STN1: variants seen among roughly 807,000 people sequenced by gnomAD.
STN1 encodes the protein STN1 subunit of CST complex.
STN1 carries 29 observed loss-of-function variants against 45.5 expected under a neutral mutation model. The ratio of observed to expected loss-of-function variants is 0.64; its 90% CI spans 0.47 to 0.87. The LOEUF is 0.87. Among genes scored for constraint, STN1 ranks in the 40% least tolerant of loss-of-function variants. STN1 has a pLI of 0.00. For missense variants in STN1, 376 were observed against 441.4 expected (o/e 0.85, Z 1.33); for synonymous variants, 148 against 159.0 (o/e 0.93, Z 0.52).
intron 2 of STN1, among the ~76,000 whole-genome samples, chr10:103,914,105 T>C (rs1168382414): frequency 2.0e-5 from 3 of 152,128 alleles, no homozygotes; most frequent in Non-Finnish European, 4.4e-5. Flanking sequence ...TATTTATGTT[T>C]GACAGCATTA....
At chr10:103,915,726 C>T (rs974650586) in intron 2 of STN1, among the ~76,000 whole-genome samples, 5 of 151,992 alleles carry the variant, frequency 3.3e-5, no homozygotes, top group Admixed American at 3.3e-4. Context: ...AATTCCCCAC[C>T]CCCCAGAACA....
Position 103,892,494 on chromosome 10 carries a change from GAACTC to G in STN1, c.754-247_754-243del, listed in dbSNP as rs775375255. 3.1e-3 allele frequency among the ~76,000 whole-genome samples: 472 copies of G among 149,960 alleles called. 1 individual carries two copies. Among genetic ancestry groups the G allele is most frequent in the African/African-American group, 7.8e-3 (319 of 40,798 alleles). On this transcript the variant is annotated intron_variant, in intron 7 of 9. Transcript: ENST00000224950. ...TAGTTGTGATTTTTTTTTTTTTAAT[GAACTC>G]AACACTCCATAGTGCAGAATAAAAA...
intron 3 of STN1, among the ~76,000 whole-genome samples, chr10:103,910,013 G>T (rs1275307598): frequency 6.6e-6 from 1 of 152,238 alleles, no homozygotes; most frequent in Admixed American, 6.5e-5. Context: ...CTTCCATCAT[G>T]AGGGAAAATA....
chr10:103,892,081 T>G (rs1205978359), intron 8 of STN1, 49 bp downstream of exon 8: 2 of 1,395,084 alleles, frequency 1.4e-6, no homozygotes, highest in Non-Finnish European at 2.0e-6. Context: ...AATAAATATA[T>G]TTGTAATTGA....
At chr10:103,883,374 T>C (rs1397990753) in intron 9 of STN1, among the ~76,000 whole-genome samples, 7 of 152,086 alleles carry the variant, frequency 4.6e-5, no homozygotes, top group African/African-American at 1.7e-4. Context: ...TCTGTGATGG[T>C]TGTATTCCTA....
rs1843179073 is a variant in STN1 at position 103,897,591 on chromosome 10, G to A, written c.710C>T (p.Ser237Phe). 4 of 1,614,120 alleles carry A rather than the reference G, an allele frequency of 2.5e-6. No homozygotes were observed. In the East Asian group the frequency reaches 6.7e-5, roughly 27 times the overall value. The change falls in exon 7 of 10, where the codon TCC (serine) becomes TTC (phenylalanine). Residue 237 changes from serine to phenylalanine, a missense_variant. Transcript: ENST00000224950. The stretch of plus-strand genomic sequence containing the variant: ...GTGAATCACAGGCTGATTGGCAAGG[G>A]ACAGCAAAGACTCCACCATTTCCAG... ...QELEMVESLL[S>F]LANQPVIHSA... is the part of the protein sequence containing the mutation.
At position 103,900,126 on chromosome 10, in the gene STN1, C is replaced by A. The variant is rs1023891805; in HGVS notation, c.393G>T (p.Thr131=). The change falls in exon 5 of 10, where the codon ACG becomes ACT. Residue 131 remains threonine (T), a synonymous_variant. Coordinates refer to ENST00000224950, the MANE Select transcript of STN1 (RefSeq NM_024928.5). ...TGCGGATACTGCCTCTGACTCGGATCGTGTCCCCGATCTCTATCTTTGTTT... is the reference window on the plus strand; with the variant it reads ...TGCGGATACTGCCTCTGACTCGGATAGTGTCCCCGATCTCTATCTTTGTTT... ...EQKTKIEIGD[T]IRVRGSIRTY... The A allele has an allele frequency of 1.2e-6, 2 of 1,614,068 alleles. No homozygotes were observed. Among genetic ancestry groups the A allele is most frequent in the African/African-American group, 1.3e-5 (1 of 74,922 alleles).
At chr10:103,889,299 G>T (rs919525361) in intron 8 of STN1, among the ~76,000 whole-genome samples, 155 bp from the exon 9 acceptor site, 5 of 152,122 alleles carry the variant, frequency 3.3e-5, no homozygotes, top group Non-Finnish European at 7.4e-5. Context: ...ACTTGGCCTA[G>T]TGTCAAACCA....
chr10:103,914,355 TATATATA>T (rs1564636097), intron 2 of STN1, among the ~76,000 whole-genome samples: 11 of 33,172 alleles, frequency 3.3e-4, no homozygotes, highest in African/African-American at 8.6e-4. Flanking sequence ...TATATATATA[TATATATA>T]TATATATATA....
In STN1 at chr10:103,889,163, T is replaced by TGA. The variant is rs752876716; in HGVS notation, c.877-21_877-20dup. On this transcript the variant is annotated intron_variant, in intron 8 of 9. Transcript: ENST00000224950. Reference sequence around the variant, plus strand: ...TGGTTACCTAAATAGGAAAAATAGTTGAGAGAGAGAGTGTTCTTAGGTAAC... The same window carrying TGA: ...TGGTTACCTAAATAGGAAAAATAGTTGAGAGAGAGAGAGTGTTCTTAGGTAAC... 5 of 1,553,836 alleles carry TGA rather than the reference T, an allele frequency of 3.2e-6. No individual in the cohort carries two copies. The highest frequency in any genetic ancestry group is 1.7e-4 in the Middle Eastern group (1 of 5,942).
At chr10:103,894,832 AAC>A (rs1298632891) in intron 7 of STN1, among the ~76,000 whole-genome samples, 1 of 152,132 alleles carries the variant, frequency 6.6e-6, no homozygotes, top group Non-Finnish European at 1.5e-5. Context: ...AAACAAACTC[AAC>A]ATTCATCCAG....
rs756377894 is a variant in STN1 at position 103,917,621 on chromosome 10, T to A, written c.-27A>T. ...AAGAGGCAGGGCTGTGGCTTCCAGC[T>A]AACTCTGAAAGGTTCTGCATCACTG... On this transcript the variant is annotated 5_prime_UTR_variant, in exon 2 of 10. Coordinates refer to ENST00000224950, the MANE Select transcript of STN1 (RefSeq NM_024928.5). The A allele has an allele frequency of 6.2e-7, 1 of 1,610,276 alleles. No individual in the cohort carries two copies. Among genetic ancestry groups the A allele is most frequent in the South Asian group, 1.1e-5 (1 of 90,814 alleles).
rs187035477 is a variant in STN1, at chr10:103,881,926, C to T, written c.*758G>A. On this transcript the variant is annotated 3_prime_UTR_variant, in exon 10 of 10. Transcript: ENST00000224950. ...CAACCCTGAAAATAACATCTACCAC[C>T]TGCCAGGCAATTGGCTGACTGCCTC... 2.0e-5 allele frequency among the ~76,000 whole-genome samples: 3 copies of T among 152,352 alleles called. No homozygotes were observed. In the East Asian group the frequency reaches 5.8e-4, roughly 29 times the overall value.
At chr10:103,882,989 T>C (rs1843080362) in intron 9 of STN1, 148 bp from the exon 10 acceptor site, 1 of 768,144 alleles carries the variant, frequency 1.3e-6, no homozygotes, top group Non-Finnish European at 2.0e-6. Flanking sequence ...ATCTACCTGA[T>C]CACAAAAACA....
chr10:103,896,874 GA>G (rs974293836), intron 7 of STN1, among the ~76,000 whole-genome samples: 8 of 151,926 alleles, frequency 5.3e-5, no homozygotes, highest in African/African-American at 1.9e-4. Context: ...TATTTGAGTA[GA>G]AAAAAATAAT....
At chr10:103,888,256 C>T (rs889339556) in intron 9 of STN1, among the ~76,000 whole-genome samples, 6 of 152,094 alleles carry the variant, frequency 3.9e-5, no homozygotes, top group African/African-American at 9.7e-5. Context: ...ATGTATGGGC[C>T]GAAGGACTGG....
chr10:103,906,968 T>C (rs1222924966), intron 3 of STN1, among the ~76,000 whole-genome samples: 1 of 152,146 alleles, frequency 6.6e-6, no homozygotes, highest in East Asian at 1.9e-4. Flanking sequence ...CATCGGATTG[T>C]GAAATGTAAG....
Position 103,880,452 on chromosome 10 carries a change from TG to T in STN1, c.*2231del. On this transcript the variant is annotated 3_prime_UTR_variant, in exon 10 of 10. Transcript: ENST00000224950. ...TTTAGCCTTCAGGCTGATCTTTGCTTGAACGTGGGGTTTCATTTGGGACCCT... is the reference window on the plus strand; with the variant it reads ...TTTAGCCTTCAGGCTGATCTTTGCTTAACGTGGGGTTTCATTTGGGACCCT... Among the ~76,000 whole-genome samples, 1 of 152,224 alleles carries T rather than the reference TG, an allele frequency of 6.6e-6. No individual in the cohort carries two copies. The highest frequency in any genetic ancestry group is 1.5e-5 in the Non-Finnish European group (1 of 68,042).
rs1255511353 is a variant in STN1 at position 103,877,927 on chromosome 10, G to A, written c.*4757C>T. ...CTTCTTTGGGGCAACTGCTGTAGAG[G>A]CCACTAATGAGAAAGTGTAGATGTT... On this transcript the variant is annotated 3_prime_UTR_variant, in exon 10 of 10. Coordinates refer to ENST00000224950, the MANE Select transcript of STN1 (RefSeq NM_024928.5). 6.6e-6 allele frequency: 1 copy of A among 152,232 alleles called. No individual in the cohort carries two copies. Among genetic ancestry groups the A allele is most frequent in the Admixed American group, 6.5e-5 (1 of 15,290 alleles). 9.4% of individuals were successfully genotyped at this position (152,232 alleles called of 1,614,324 possible).
Sources: allele counts gnomAD v4.1 joint callset (sites outside exome capture counted in the v4.1 genomes callset), GRCh38; gene constraint gnomAD v4.1.1; transcripts MANE v1.5; gene names NCBI Gene and HGNC (gene_info 2026-07-23, HGNC 2026-07-21).